CACNG3: variants seen among roughly 807,000 people sequenced by gnomAD.
CACNG3 encodes the protein voltage-dependent calcium channel gamma-3 subunit.
A neutral mutation model predicts 28.5 loss-of-function variants in CACNG3; 3 were observed. The ratio of observed to expected loss-of-function variants is 0.11; its 90% CI spans 0.05 to 0.27. The LOEUF is 0.27. Among genes scored for constraint, CACNG3 ranks in the 10% least tolerant of loss-of-function variants. The probability of loss-of-function intolerance (pLI) is 1.00; values close to 1 mark genes in which losing one functional copy is unlikely to be tolerated. For synonymous variants in CACNG3, 174 were observed against 162.2 expected (o/e 1.07, Z -0.55); for missense variants, 236 against 414.4 (o/e 0.57, Z 3.74).
At chr16:24,331,848 A>G (rs1453949569) in intron 1 of CACNG3, among the ~76,000 whole-genome samples, 1 of 151,874 alleles carries the variant, frequency 6.6e-6, no homozygotes, top group Non-Finnish European at 1.5e-5. Flanking sequence ...CTTCCCTCAA[A>G]TCTTCCCATG....
intron 1 of CACNG3, among the ~76,000 whole-genome samples, chr16:24,313,402 G>A (rs182584556): frequency 2.8e-4 from 42 of 152,302 alleles, no homozygotes; most frequent in African/African-American, 6.0e-4. Flanking sequence ...TGGCTCCAGA[G>A]TCTAAGCTCA....
chr16:24,354,968 CTGCAGG>C lies in CACNG3; in HGVS notation c.434_436+3del. ...CTCAGCGCGGGCATCTTTTTTGTCT[CTGCAGG>C]TGAGTGTCTGGCCCCAGCCCTGAGA... On this transcript the variant is annotated splice_donor_variant and coding_sequence_variant, in exon 3 of 4. Transcript: ENST00000005284. LOFTEE classifies it high-confidence loss of function. 6.2e-7 allele frequency: 1 copy of C among 1,612,538 alleles called. No individual in the cohort carries two copies. The highest frequency in any genetic ancestry group is 8.5e-7 in the Non-Finnish European group (1 of 1,179,658).
intron 1 of CACNG3, among the ~76,000 whole-genome samples, chr16:24,333,170 C>T (rs1899654409): frequency 6.6e-6 from 1 of 152,056 alleles, no homozygotes. Context: ...ACTGGACTAC[C>T]ACGCAATTTT....
At position 24,346,716 on chromosome 16, in the gene CACNG3, C is replaced by A; in HGVS notation, c.212-18C>A. On this transcript the variant is annotated intron_variant, in intron 1 of 3. Transcript: ENST00000005284. ...CTGTCTCCTCCCCCAGGCTCAGAAC[C>A]CTTATCTGTTTCCACAGGGGCTTTC... 1 of 1,602,368 alleles carries A rather than the reference C, an allele frequency of 6.2e-7. No homozygotes were observed.
At chr16:24,265,842 G>T (rs1898602905) in intron 1 of CACNG3, among the ~76,000 whole-genome samples, 1 of 151,846 alleles carries the variant, frequency 6.6e-6, no homozygotes, top group Admixed American at 6.6e-5. Context: ...TTGCTGCTTG[G>T]CCTGCAAAGC....
intron 1 of CACNG3, among the ~76,000 whole-genome samples, chr16:24,325,094 G>C (rs539753173): frequency 8.5e-5 from 13 of 152,326 alleles, no homozygotes; most frequent in Non-Finnish European, 1.9e-4. Context: ...AGAGATGCCA[G>C]GCACAGGGCA....
intron 1 of CACNG3, among the ~76,000 whole-genome samples, chr16:24,318,739 T>TAACCAGAGGAAGG (rs904115530): frequency 6.6e-6 from 1 of 152,198 alleles, no homozygotes; most frequent in African/African-American, 2.4e-5. Flanking sequence ...CTGGGTGCTC[T>TAACCAGAGGAAGG]AACCAGAGGA....
chr16:24,315,294 T>C (rs1320165703), intron 1 of CACNG3, among the ~76,000 whole-genome samples: 1 of 151,542 alleles, frequency 6.6e-6, no homozygotes, highest in African/African-American at 2.4e-5. Context: ...GGGGGAAGGG[T>C]CTCCTCCGAA....
chr16:24,257,689 C>A (rs1015113874), intron 1 of CACNG3, among the ~76,000 whole-genome samples: 1 of 152,170 alleles, frequency 6.6e-6, no homozygotes, highest in East Asian at 1.9e-4. Context: ...GTCTTCATTC[C>A]TAAATCATTC....
At chr16:24,286,562 G>A (rs1466536065) in intron 1 of CACNG3, among the ~76,000 whole-genome samples, 1 of 152,050 alleles carries the variant, frequency 6.6e-6, no homozygotes, top group Non-Finnish European at 1.5e-5. Context: ...TGTTGCCATC[G>A]CCATGCTGGC....
At chr16:24,324,716 T>C (rs780538967) in intron 1 of CACNG3, among the ~76,000 whole-genome samples, 1 of 152,174 alleles carries the variant, frequency 6.6e-6, no homozygotes, top group Non-Finnish European at 1.5e-5. Context: ...CTCTCCCTCC[T>C]GTGGTCTCAG....
At chr16:24,299,023 G>C (rs1165873278) in intron 1 of CACNG3, among the ~76,000 whole-genome samples, 1 of 152,102 alleles carries the variant, frequency 6.6e-6, no homozygotes, top group Non-Finnish European at 1.5e-5. Context: ...GTGTTTGCCA[G>C]GTCTCGCCCC....
chr16:24,344,468 A>G (rs1188975025), intron 1 of CACNG3, among the ~76,000 whole-genome samples: 3 of 152,290 alleles, frequency 2.0e-5, no homozygotes, highest in Non-Finnish European at 2.9e-5. Context: ...GTAGGTGCAC[A>G]CGTGTGTTAC....
intron 1 of CACNG3, among the ~76,000 whole-genome samples, chr16:24,338,057 C>T (rs1015603203): frequency 6.6e-6 from 1 of 151,918 alleles, no homozygotes; most frequent in African/African-American, 2.4e-5. Flanking sequence ...AGCTGATGGA[C>T]CCAGTGAAAC....
chr16:24,267,035 C>T lies in CACNG3; in HGVS notation c.211+10070C>T, dbSNP rs565327646. 6.2e-4 allele frequency among the ~76,000 whole-genome samples: 92 copies of T among 149,250 alleles called. 1 individual carries two copies. Among genetic ancestry groups the T allele is most frequent in the Non-Finnish European group, 1.0e-3 (69 of 67,620 alleles). The stretch of plus-strand genomic sequence containing the variant: ...AGGCTGGAGTGCGGTGGCACGATCT[C>T]GGCTTAGTACAACCTCTGCCTCCTG... On this transcript the variant is annotated intron_variant, in intron 1 of 3. Coordinates refer to ENST00000005284, the MANE Select transcript of CACNG3 (RefSeq NM_006539.4).
At chr16:24,316,372 T>A (rs1245098299) in intron 1 of CACNG3, among the ~76,000 whole-genome samples, 3 of 151,768 alleles carry the variant, frequency 2.0e-5, no homozygotes, top group Non-Finnish European at 4.4e-5. Context: ...AGGACCAGGC[T>A]TGGCCTGTCC....
At chr16:24,302,777 A>C (rs992046536) in intron 1 of CACNG3, among the ~76,000 whole-genome samples, 24 of 152,184 alleles carry the variant, frequency 1.6e-4, no homozygotes, top group Admixed American at 1.0e-3. Flanking sequence ...CTCGTGCCTC[A>C]GCTGCCCAAG....
intron 1 of CACNG3, among the ~76,000 whole-genome samples, chr16:24,307,642 C>A (rs1202340534): frequency 6.6e-6 from 1 of 152,122 alleles, no homozygotes; most frequent in Non-Finnish European, 1.5e-5. Context: ...AACAGTCACC[C>A]ACACACTAAA....
intron 1 of CACNG3, 57 bp downstream of exon 1, chr16:24,257,022 G>A (rs983909532): frequency 5.6e-6 from 6 of 1,073,162 alleles, no homozygotes; most frequent in Non-Finnish European, 7.2e-6. Flanking sequence ...ATTCTGGTGG[G>A]TGTTTGGAGG....
Sources: allele counts gnomAD v4.1 joint callset (sites outside exome capture counted in the v4.1 genomes callset), GRCh38; gene constraint gnomAD v4.1.1; transcripts MANE v1.5; gene names NCBI Gene and HGNC (gene_info 2026-07-23, HGNC 2026-07-21).